MTMR7: variants seen among roughly 807,000 people sequenced by gnomAD.
The protein encoded by MTMR7 is myotubularin related protein 7.
A neutral mutation model predicts 81.2 loss-of-function variants in MTMR7; 76 were observed. The ratio of observed to expected loss-of-function variants is 0.94; its 90% CI spans 0.78 to 1.13. The LOEUF (loss-of-function observed/expected upper bound fraction) is 1.13. MTMR7 is among the 50% of genes most tolerant of loss of function. MTMR7 has a pLI of 0.00. For missense variants in MTMR7, 1,044 were observed against 820.0 expected (o/e 1.27, Z -3.34); for synonymous variants, 372 against 289.8 (o/e 1.28, Z -2.88).
intron 12 of MTMR7, 120 bp from the exon 13 acceptor site, chr8:17,302,400 G>T: frequency 8.4e-7 from 1 of 1,194,860 alleles, no homozygotes; most frequent in Non-Finnish European, 1.1e-6. Context: ...GCAAATTTCA[G>T]CCTCAAAAAA....
At chr8:17,341,294 G>C in intron 6 of MTMR7, 69 bp downstream of exon 6, 1 of 1,587,436 alleles carries the variant, frequency 6.3e-7, no homozygotes, top group Admixed American at 1.7e-5. Context: ...ATGGCAGTCG[G>C]CTAGCCTTTG....
intron 3 of MTMR7, among the ~76,000 whole-genome samples, chr8:17,365,437 C>T (rs1312936974): frequency 6.6e-6 from 1 of 152,084 alleles, no homozygotes; most frequent in Non-Finnish European, 1.5e-5. Context: ...AAAATATTTG[C>T]CCACTCTAGG....
chr8:17,330,279 T>C (rs1818929009), intron 7 of MTMR7, among the ~76,000 whole-genome samples: 1 of 152,196 alleles, frequency 6.6e-6, no homozygotes, highest in Non-Finnish European at 1.5e-5. Context: ...GAGCCTGCAT[T>C]TCCCATCAAG....
Position 17,407,005 on chromosome 8 carries a change from G to T in MTMR7, c.24+6264C>A, listed in dbSNP as rs1278943885. Among the ~76,000 whole-genome samples, 11 of 152,042 alleles carry T rather than the reference G, an allele frequency of 7.2e-5. No homozygotes were observed. The East Asian group carries it at 2.1e-3, about 29-fold the overall frequency. ...CCAATGGGTATAGTGTTTCTCTTTGGAGTAATGAAAATGTTCTGAAATTAG... is the reference window on the plus strand; with the variant it reads ...CCAATGGGTATAGTGTTTCTCTTTGTAGTAATGAAAATGTTCTGAAATTAG... On this transcript the variant is annotated intron_variant, in intron 1 of 13. Coordinates refer to ENST00000180173, the MANE Select transcript of MTMR7 (RefSeq NM_004686.5).
intron 4 of MTMR7, among the ~76,000 whole-genome samples, chr8:17,352,629 T>C (rs1819760472): frequency 6.6e-6 from 1 of 152,142 alleles, no homozygotes; most frequent in East Asian, 1.9e-4. Context: ...AAAACTTTTA[T>C]ACATCAAAGG....
chr8:17,312,849 C>T (rs1369908387), intron 8 of MTMR7, among the ~76,000 whole-genome samples: 1 of 152,092 alleles, frequency 6.6e-6, no homozygotes, highest in East Asian at 1.9e-4. Flanking sequence ...CATTCTAAAA[C>T]AGCTTATGTG....
chr8:17,407,788 A>G (rs936269385), intron 1 of MTMR7, among the ~76,000 whole-genome samples: 2 of 152,246 alleles, frequency 1.3e-5, no homozygotes, highest in Non-Finnish European at 2.9e-5. Flanking sequence ...TAATTTCTAC[A>G]TGTAGTCCAT....
intron 3 of MTMR7, among the ~76,000 whole-genome samples, chr8:17,370,186 C>T (rs1007920164): frequency 3.3e-5 from 5 of 150,414 alleles, no homozygotes; most frequent in South Asian, 4.2e-4. Flanking sequence ...GTCACTGATG[C>T]TAGTCTAGTT....
At chr8:17,384,105 A>T (rs1432288839) in intron 1 of MTMR7, among the ~76,000 whole-genome samples, 4 of 152,146 alleles carry the variant, frequency 2.6e-5, no homozygotes, top group Non-Finnish European at 5.9e-5. Context: ...ACATCTCACT[A>T]GTTATTAAAA....
At position 17,298,784 on chromosome 8, in the gene MTMR7, G is replaced by C. The variant is rs2246121; in HGVS notation, c.*1078C>G. The C allele has an allele frequency of 0.32, 48,528 of 152,430 alleles. 10,241 individuals carry two copies. The highest frequency in any genetic ancestry group is 0.61 in the East Asian group (3,146 of 5,168). The allele number at this position is 152,430 out of a possible 1,614,324, so 9.4% of individuals were successfully genotyped here. On this transcript the variant is annotated 3_prime_UTR_variant, in exon 14 of 14. Coordinates refer to ENST00000180173, the MANE Select transcript of MTMR7 (RefSeq NM_004686.5). ...GTCTTTTTTAACTCATAAGATAGGG[G>C]AGGGACTCTCCCTTAAATGTGCAGT...
At chr8:17,369,992 C>T (rs908201277) in intron 3 of MTMR7, among the ~76,000 whole-genome samples, 1 of 152,048 alleles carries the variant, frequency 6.6e-6, no homozygotes, top group African/African-American at 2.4e-5. Context: ...ACACAAGCCA[C>T]ACAGAGAGGC....
intron 1 of MTMR7, among the ~76,000 whole-genome samples, chr8:17,394,053 T>C (rs1821179415): frequency 6.6e-6 from 1 of 152,148 alleles, no homozygotes; most frequent in African/African-American, 2.4e-5. Flanking sequence ...ACAACAAGTG[T>C]TGGTGAGGAT....
intron 9 of MTMR7, among the ~76,000 whole-genome samples, chr8:17,310,755 C>T (rs187645337): frequency 2.0e-5 from 3 of 152,294 alleles, no homozygotes; most frequent in Admixed American, 2.0e-4. Flanking sequence ...GGAGACCCAG[C>T]AGTAAAGATA....
chr8:17,369,099 G>T (rs755676137), intron 3 of MTMR7, among the ~76,000 whole-genome samples: 1 of 152,020 alleles, frequency 6.6e-6, no homozygotes, highest in Non-Finnish European at 1.5e-5. Context: ...CCATTAATCC[G>T]CTCAGAGCAC....
At chr8:17,371,883 G>C (rs1385747493) in intron 2 of MTMR7, among the ~76,000 whole-genome samples, 1 of 128,390 alleles carries the variant, frequency 7.8e-6, no homozygotes, top group Non-Finnish European at 1.6e-5. Flanking sequence ...TTTACAGTGA[G>C]ACCCTTGAAA....
chr8:17,311,371 C>T, intron 9 of MTMR7, 140 bp downstream of exon 9: 1 of 1,099,460 alleles, frequency 9.1e-7, no homozygotes, highest in Non-Finnish European at 1.3e-6. Flanking sequence ...TAATCTTGAT[C>T]TCTTCCCCTT....
intron 7 of MTMR7, among the ~76,000 whole-genome samples, chr8:17,326,855 T>G (rs1289625675): frequency 6.6e-6 from 1 of 152,180 alleles, no homozygotes; most frequent in African/African-American, 2.4e-5. Context: ...TCCAGACTCC[T>G]GCCCTACAGA....
chr8:17,353,757 T>C (rs1477506309), intron 4 of MTMR7, among the ~76,000 whole-genome samples: 2 of 152,230 alleles, frequency 1.3e-5, no homozygotes, highest in African/African-American at 4.8e-5. Flanking sequence ...ACTTTGCCAT[T>C]TTTTAAAATG....
chr8:17,307,392 G>A (rs1041455021), intron 10 of MTMR7, among the ~76,000 whole-genome samples: 6 of 152,192 alleles, frequency 3.9e-5, no homozygotes, highest in Admixed American at 6.5e-5. Flanking sequence ...AACAACAGGT[G>A]CTGGAGAGGA....
Sources: allele counts gnomAD v4.1 joint callset (sites outside exome capture counted in the v4.1 genomes callset), GRCh38; gene constraint gnomAD v4.1.1; transcripts MANE v1.5; gene names NCBI Gene and HGNC (gene_info 2026-07-23, HGNC 2026-07-21).